LRMDA: variants seen among roughly 807,000 people sequenced by gnomAD.
LRMDA encodes the protein leucine-rich melanocyte differentiation-associated protein.
Under a neutral mutation model 29.8 loss-of-function variants are expected in LRMDA, and 18 were observed. That is an observed-to-expected ratio of 0.60 (90% CI 0.42 to 0.90). The LOEUF is 0.90. Among genes scored for constraint, LRMDA ranks in the 40% least tolerant of loss-of-function variants. The pLI, the probability that LRMDA is intolerant of heterozygous loss-of-function variation, is 0.00. For synonymous variants in LRMDA, 125 were observed against 109.4 expected, an observed-to-expected ratio of 1.14 and a Z score of -0.89; for missense variants, 273 against 273.9, an observed-to-expected ratio of 1.00 and a Z score of 0.02.
chr10:75,537,841 C>A (rs1839968522), intron 2 of LRMDA, among the ~76,000 whole-genome samples: 2 of 152,204 alleles, frequency 1.3e-5, no homozygotes, highest in African/African-American at 4.8e-5. Context: ...GCCCCCTGGC[C>A]TGGCTTTGTG....
chr10:76,272,521 C>T (rs543518989), intron 5 of LRMDA, among the ~76,000 whole-genome samples: 20 of 152,282 alleles, frequency 1.3e-4, no homozygotes, highest in African/African-American at 4.8e-4. Flanking sequence ...ACCTCTTAGG[C>T]ATTAACAAGA....
chr10:75,773,067 C>T (rs1474451186), intron 2 of LRMDA, among the ~76,000 whole-genome samples: 2 of 152,100 alleles, frequency 1.3e-5, no homozygotes, highest in East Asian at 3.8e-4. Flanking sequence ...ATATTCATTC[C>T]ACTGCGACCT....
At chr10:76,122,398 G>A (rs1302756264) in intron 5 of LRMDA, among the ~76,000 whole-genome samples, 1 of 152,016 alleles carries the variant, frequency 6.6e-6, no homozygotes, top group Non-Finnish European at 1.5e-5. Flanking sequence ...GGTCTTTTAA[G>A]ACTTTGGAAC....
intron 2 of LRMDA, among the ~76,000 whole-genome samples, chr10:75,749,550 T>G (rs934153806): frequency 6.6e-6 from 1 of 152,130 alleles, no homozygotes; most frequent in Non-Finnish European, 1.5e-5. Flanking sequence ...TGGGCCTCAG[T>G]GTAAAATGTA....
chr10:75,537,926 C>T (rs755493473), intron 2 of LRMDA, among the ~76,000 whole-genome samples: 3 of 152,174 alleles, frequency 2.0e-5, no homozygotes, highest in Non-Finnish European at 4.4e-5. Flanking sequence ...TCTTGAAAAT[C>T]CTAACCGTGT....
chr10:76,275,180 A>C (rs925316937), intron 5 of LRMDA, among the ~76,000 whole-genome samples: 4 of 152,072 alleles, frequency 2.6e-5, no homozygotes, highest in African/African-American at 9.7e-5. Flanking sequence ...ATATATAGAA[A>C]TATTTCTTCA....
chr10:75,723,857 A>G (rs1842599114), intron 2 of LRMDA, among the ~76,000 whole-genome samples: 1 of 152,298 alleles, frequency 6.6e-6, no homozygotes, highest in East Asian at 1.9e-4. Context: ...GGGTTTGTTT[A>G]ATGTTCTGAC....
chr10:75,616,747 T>C (rs546461742), intron 2 of LRMDA, among the ~76,000 whole-genome samples: 2 of 152,350 alleles, frequency 1.3e-5, no homozygotes, highest in East Asian at 1.9e-4. Context: ...TGTGAATCAG[T>C]AGCTTTGTAG....
chr10:75,910,554 T>C (rs1288746359), intron 2 of LRMDA, among the ~76,000 whole-genome samples: 1 of 152,196 alleles, frequency 6.6e-6, no homozygotes, highest in East Asian at 1.9e-4. Context: ...ACACTCTGGG[T>C]TGAAGATCCT....
chr10:76,164,644 G>A (rs1007399080), intron 5 of LRMDA, among the ~76,000 whole-genome samples: 4 of 152,178 alleles, frequency 2.6e-5, no homozygotes, highest in Non-Finnish European at 5.9e-5. Context: ...GCCAATCTGT[G>A]ATCTAAAATA....
intron 2 of LRMDA, among the ~76,000 whole-genome samples, chr10:76,027,521 TAC>T (rs1171280334): frequency 6.6e-6 from 1 of 151,984 alleles, no homozygotes; most frequent in Non-Finnish European, 1.5e-5. Context: ...ATCACACACA[TAC>T]ACACACACAC....
At chr10:76,078,922 C>T (rs559950776) in intron 5 of LRMDA, among the ~76,000 whole-genome samples, 77 of 152,284 alleles carry the variant, frequency 5.1e-4, no homozygotes, top group Non-Finnish European at 7.5e-4. Flanking sequence ...TAGTTTCTAC[C>T]CATTAACACC....
At chr10:75,930,972 A>G (rs1361348445) in intron 2 of LRMDA, among the ~76,000 whole-genome samples, 1 of 152,198 alleles carries the variant, frequency 6.6e-6, no homozygotes, top group African/African-American at 2.4e-5. Context: ...TACCAGGGAC[A>G]GATAGACTAC....
intron 2 of LRMDA, among the ~76,000 whole-genome samples, chr10:75,929,258 G>T (rs1846170617): frequency 6.6e-6 from 1 of 151,950 alleles, no homozygotes; most frequent in Non-Finnish European, 1.5e-5. Context: ...CTGTATACAT[G>T]TGTAAGTGCA....
At chr10:75,514,923 A>G (rs1248574850) in intron 2 of LRMDA, among the ~76,000 whole-genome samples, 1 of 152,118 alleles carries the variant, frequency 6.6e-6, no homozygotes, top group Non-Finnish European at 1.5e-5. Flanking sequence ...GGTGAAGGTG[A>G]CTGGGCCTTT....
intron 2 of LRMDA, among the ~76,000 whole-genome samples, chr10:75,667,521 A>G (rs886226608): frequency 3.3e-5 from 5 of 152,202 alleles, no homozygotes; most frequent in African/African-American, 1.2e-4. Flanking sequence ...GTTGGTCTCA[A>G]ACTCCTGGCC....
At chr10:76,395,329 G>A (rs766673284) in intron 6 of LRMDA, among the ~76,000 whole-genome samples, 5 of 152,130 alleles carry the variant, frequency 3.3e-5, no homozygotes, top group Non-Finnish European at 7.3e-5. Context: ...TATATAATAT[G>A]CATCTTTGGA....
At chr10:76,194,467 A>G (rs1851300321) in intron 5 of LRMDA, among the ~76,000 whole-genome samples, 1 of 152,148 alleles carries the variant, frequency 6.6e-6, no homozygotes, top group Non-Finnish European at 1.5e-5. Flanking sequence ...AGAGTAGAAA[A>G]ATGAACATAA....
At chr10:76,549,101 C>A (rs1026081107) in intron 6 of LRMDA, among the ~76,000 whole-genome samples, 1 of 152,122 alleles carries the variant, frequency 6.6e-6, no homozygotes, top group Non-Finnish European at 1.5e-5. Context: ...CTTTCCTTCC[C>A]CACCTCCCCT....
Sources: gnomAD v4.1 joint callset for allele counts (sites outside exome capture counted in the v4.1 genomes callset) on GRCh38, gnomAD v4.1.1 for gene constraint, MANE v1.5 for transcripts, NCBI Gene and HGNC (gene_info 2026-07-23, HGNC 2026-07-21) for gene names.